The following ZNF407 variants were observed in gnomAD, a reference collection of about 807,000 sequenced individuals.
The protein encoded by ZNF407 is zinc finger protein 407.
ZNF407 carries 17 observed loss-of-function variants against 131.2 expected under a neutral mutation model. The observed-to-expected ratio is 0.13, with a 90% CI of 0.09 to 0.19. The LOEUF (loss-of-function observed/expected upper bound fraction) is 0.19. Among genes scored for constraint, ZNF407 ranks in the 10% least tolerant of loss-of-function variants. The pLI is 1.00. For missense variants in ZNF407, 2,681 were observed against 2,830.6 expected (o/e 0.95, Z 1.20); for synonymous variants, 1,156 against 1,062.0 (o/e 1.09, Z -1.72).
chr18:75,049,503 G>A (rs960468685), intron 8 of ZNF407, among the ~76,000 whole-genome samples: 8 of 152,132 alleles, frequency 5.3e-5, no homozygotes, highest in Non-Finnish European at 1.2e-4. Context: ...TATTAGCAAG[G>A]ACATTGGAGC....
intron 3 of ZNF407, among the ~76,000 whole-genome samples, chr18:74,698,552 G>A (rs917328950): frequency 3.9e-5 from 6 of 152,136 alleles, no homozygotes; most frequent in Admixed American, 6.5e-5. Context: ...TGGGAGTGAG[G>A]GGAACCTTCC....
intron 8 of ZNF407, among the ~76,000 whole-genome samples, chr18:74,952,855 C>G (rs981072081): frequency 6.6e-6 from 1 of 152,100 alleles, no homozygotes; most frequent in Non-Finnish European, 1.5e-5. Context: ...AGGCCAGGGC[C>G]GTGAAAATGT....
chr18:74,683,263 C>T (rs191116176), intron 3 of ZNF407, among the ~76,000 whole-genome samples: 9 of 152,176 alleles, frequency 5.9e-5, no homozygotes, highest in African/African-American at 2.2e-4. Context: ...CAGAGACTTA[C>T]GCTTTTGATT....
At chr18:74,656,176 A>G (rs949404914) in intron 3 of ZNF407, among the ~76,000 whole-genome samples, 1 of 152,172 alleles carries the variant, frequency 6.6e-6, no homozygotes, top group East Asian at 1.9e-4. Context: ...TTGTTAAAGG[A>G]TAGTTGAAAT....
intron 3 of ZNF407, among the ~76,000 whole-genome samples, chr18:74,719,278 T>C (rs1190504485): frequency 6.6e-6 from 1 of 152,200 alleles, no homozygotes; most frequent in Non-Finnish European, 1.5e-5. Flanking sequence ...AAAGAGTTCC[T>C]CCTGTCTGGC....
chr18:75,041,081 C>T (rs1245130359), intron 8 of ZNF407, among the ~76,000 whole-genome samples: 2 of 152,184 alleles, frequency 1.3e-5, no homozygotes, highest in Non-Finnish European at 2.9e-5. Context: ...CAGTCTGTTC[C>T]TAATACTCGC....
In ZNF407 at chr18:74,634,966, CAG is replaced by C. The variant is rs1176305534; in HGVS notation, c.3949_3950del (p.Glu1317IlefsTer11). On this transcript the variant is annotated frameshift_variant, in exon 2 of 9. Transcript: ENST00000299687. LOFTEE classifies it high-confidence loss of function. ...ATTCTGATGAATTCACAACATGAAA[CAG>C]AATTTATTTTGGAGGAGGATGGCCC... 1.2e-6 allele frequency: 2 copies of C among 1,613,808 alleles called. No individual in the cohort carries two copies. Among genetic ancestry groups the C allele is most frequent in the Admixed American group, 1.7e-5 (1 of 60,006 alleles).
chr18:74,647,750 TG>T (rs1985037992), intron 3 of ZNF407, among the ~76,000 whole-genome samples: 1 of 152,158 alleles, frequency 6.6e-6, no homozygotes, highest in Admixed American at 6.5e-5. Context: ...TTCTTTTTTG[TG>T]TGTGGGCATG....
At chr18:74,621,919 G>C (rs901990370) in intron 1 of ZNF407, among the ~76,000 whole-genome samples, 8 of 152,314 alleles carry the variant, frequency 5.3e-5, no homozygotes, top group African/African-American at 1.9e-4. Context: ...TTATGTGCTA[G>C]TCCTCTTGTG....
chr18:74,688,888 G>T (rs1967156523), intron 3 of ZNF407, among the ~76,000 whole-genome samples: 1 of 152,098 alleles, frequency 6.6e-6, no homozygotes. Context: ...GAGTGCAGTG[G>T]CGCAATCTTG....
chr18:74,837,708 T>A (rs1042880396), intron 4 of ZNF407, among the ~76,000 whole-genome samples: 2 of 152,082 alleles, frequency 1.3e-5, no homozygotes, highest in Non-Finnish European at 2.9e-5. Flanking sequence ...GGCTGGAGTG[T>A]AGCTGCCTAA....
chr18:75,000,424 T>C (rs1972831591), intron 8 of ZNF407, among the ~76,000 whole-genome samples: 1 of 152,236 alleles, frequency 6.6e-6, no homozygotes. Flanking sequence ...TCACAGTTGA[T>C]TCTGTTACAA....
At chr18:74,740,258 C>T (rs752650946) in intron 3 of ZNF407, among the ~76,000 whole-genome samples, 11 of 152,192 alleles carry the variant, frequency 7.2e-5, no homozygotes, top group African/African-American at 9.7e-5. Context: ...TCTCCTCTGA[C>T]GTCTCTATCA....
chr18:74,788,096 T>C (rs78717730), intron 4 of ZNF407, among the ~76,000 whole-genome samples: 3,083 of 152,314 alleles, frequency 0.02, 166 homozygotes, highest in East Asian at 0.19. Context: ...GATCCATCTC[T>C]AGTCAGCAGG....
intron 4 of ZNF407, chr18:74,804,502 T>G: frequency 2.0e-6 from 2 of 987,750 alleles, no homozygotes; most frequent in Non-Finnish European, 1.2e-6. Flanking sequence ...TTTGGGAAAA[T>G]TTCACACTCA....
intron 3 of ZNF407, among the ~76,000 whole-genome samples, chr18:74,718,728 A>T (rs1967955820): frequency 6.6e-6 from 1 of 152,090 alleles, no homozygotes; most frequent in African/African-American, 2.4e-5. Flanking sequence ...AATGTAATTG[A>T]TTTTTGTGTA....
intron 3 of ZNF407, among the ~76,000 whole-genome samples, chr18:74,760,663 G>A (rs1006184052): frequency 6.6e-6 from 1 of 152,174 alleles, no homozygotes; most frequent in African/African-American, 2.4e-5. Context: ...TGAGCATGGA[G>A]TGTTTCAGGG....
rs547067776 is a variant in ZNF407 at position 75,061,802 on chromosome 18, T to C, written c.5429-1348T>C. On this transcript the variant is annotated intron_variant, in intron 8 of 8. Coordinates refer to ENST00000299687, the MANE Select transcript of ZNF407 (RefSeq NM_017757.3). ...TCCGGCTCTCCCCTCCTCACTCTCG[T>C]CCTGCTCACCCCCTCTTTTCTCTCC... 291 of 152,938 alleles carry C rather than the reference T, an allele frequency of 1.9e-3. 2 individuals carry two copies. The highest frequency in any genetic ancestry group is 6.7e-3 in the African/African-American group (278 of 41,586). The allele number at this position is 152,938 out of a possible 1,614,324, so 9.5% of individuals were successfully genotyped here. A position where few individuals can be genotyped will look rare whatever the true frequency, so the allele number is the denominator to read the frequency against.
chr18:75,006,592 AATATAATTGCACT>A (rs2122171724), intron 8 of ZNF407, among the ~76,000 whole-genome samples: 1 of 152,286 alleles, frequency 6.6e-6, no homozygotes, highest in East Asian at 1.9e-4. Flanking sequence ...ATTAATCTAT[AATATAATTGCACT>A]GTAGCCACAG....
Sources: gnomAD v4.1 joint callset for allele counts (sites outside exome capture counted in the v4.1 genomes callset) on GRCh38, gnomAD v4.1.1 for gene constraint, MANE v1.5 for transcripts, NCBI Gene and HGNC (gene_info 2026-07-23, HGNC 2026-07-21) for gene names.